The following ARID1B variants were observed in gnomAD, a reference collection of about 807,000 sequenced individuals.
ARID1B encodes AT-rich interaction domain 1B, also known as AT-rich interactive domain-containing protein 1B.
In ARID1B, 30 loss-of-function variants were observed where a neutral mutation model predicts 212.3. The ratio of observed to expected loss-of-function variants is 0.14; its 90% confidence interval spans 0.11 to 0.19. ARID1B has a LOEUF of 0.19. Among genes scored for constraint, ARID1B ranks in the 10% least tolerant of loss-of-function variants. ARID1B has a pLI of 1.00. For synonymous variants in ARID1B, 1,402 were observed against 1,301.7 expected (o/e 1.08, Z -1.66); for missense variants, 2,891 against 3,204.0 (o/e 0.90, Z 2.36).
At chr6:157,083,477 G>A (rs1784762193) in intron 4 of ARID1B, among the ~76,000 whole-genome samples, 1 of 152,206 alleles carries the variant, frequency 6.6e-6, no homozygotes, top group Non-Finnish European at 1.5e-5. Flanking sequence ...GCAGGCTGAA[G>A]TAAAGGCTTT....
intron 4 of ARID1B, among the ~76,000 whole-genome samples, chr6:156,944,639 T>C (rs1792926692): frequency 6.6e-6 from 1 of 152,122 alleles, no homozygotes; most frequent in African/African-American, 2.4e-5. Flanking sequence ...ACCAAGTTGA[T>C]CATGTGGCAG....
At chr6:157,036,745 A>C (rs1781356822) in intron 4 of ARID1B, 2 of 474,656 alleles carry the variant, frequency 4.2e-6, no homozygotes, top group Admixed American at 4.7e-5. Flanking sequence ...AGAACTCTCA[A>C]TTCTAGGCCA....
rs542475184 is a variant in ARID1B, at chr6:156,876,303, C to A, written c.1987-25073C>A. ...TTCTCAGTGAACTGTGGGCCTCTTT[C>A]CTCAGCCTCACCCATCCGGCCCTGT... On this transcript the variant is annotated intron_variant, in intron 2 of 19. Transcript: ENST00000636930. Among the ~76,000 whole-genome samples the A allele has an allele frequency of 1.2e-4, 19 of 152,312 alleles. No homozygotes were observed. The South Asian group carries it at 3.9e-3, about 32-fold the overall frequency.
At chr6:157,141,801 G>A (rs1789374761) in intron 7 of ARID1B, among the ~76,000 whole-genome samples, 1 of 152,104 alleles carries the variant, frequency 6.6e-6, no homozygotes. Flanking sequence ...TCAAGTGCTG[G>A]CAGTTAGAAC....
intron 4 of ARID1B, among the ~76,000 whole-genome samples, chr6:157,031,423 A>G (rs1781010517): frequency 6.6e-6 from 1 of 152,206 alleles, no homozygotes; most frequent in South Asian, 2.1e-4. Context: ...AAGAGCATCT[A>G]AATTCTTGGT....
chr6:156,950,473 G>C (rs929438187), intron 4 of ARID1B, among the ~76,000 whole-genome samples: 9 of 152,232 alleles, frequency 5.9e-5, no homozygotes, highest in Non-Finnish European at 1.3e-4. Context: ...ATATGGGGAT[G>C]TAAGAGAAAG....
chr6:157,099,847 G>C (rs1450670394), intron 5 of ARID1B, among the ~76,000 whole-genome samples: 3 of 152,128 alleles, frequency 2.0e-5, no homozygotes, highest in Admixed American at 6.5e-5. Flanking sequence ...TGAACGGTGC[G>C]TGGGAGCTGT....
At chr6:157,189,383 T>A (rs182496981) in intron 13 of ARID1B, among the ~76,000 whole-genome samples, 79 of 152,352 alleles carry the variant, frequency 5.2e-4, no homozygotes, top group African/African-American at 1.8e-3. Flanking sequence ...TCAAAAGATA[T>A]AAATGTGTTT....
chr6:157,180,965 C>T lies in ARID1B; in HGVS notation c.3505-4C>T, dbSNP rs754016114. 6.2e-7 allele frequency: 1 copy of T among 1,611,890 alleles called. No homozygotes were observed. Among genetic ancestry groups the T allele is most frequent in the Admixed American group, 1.7e-5 (1 of 59,944 alleles). On this transcript the variant is annotated splice_polypyrimidine_tract_variant and splice_region_variant and intron_variant, in intron 11 of 19. Transcript: ENST00000636930. ...CACCTCCACATGCTGCTTCTGGGTA[C>T]TAGAAGTCCAGCTCCTCCACCACTA...
chr6:157,039,616 ACCTTCCTTCCTTCCTT>A (rs1368853614), intron 4 of ARID1B, among the ~76,000 whole-genome samples: 1 of 123,212 alleles, frequency 8.1e-6, no homozygotes, highest in Non-Finnish European at 1.7e-5. Flanking sequence ...AAAGCTACCT[ACCTTCCTTCCTTCCTT>A]CCTTCCTTCC....
intron 4 of ARID1B, among the ~76,000 whole-genome samples, chr6:156,961,664 T>G (rs1562512953): frequency 6.6e-6 from 1 of 152,150 alleles, no homozygotes; most frequent in Non-Finnish European, 1.5e-5. Flanking sequence ...GGTCGCTGTG[T>G]GAGCTGCGCT....
chr6:157,015,108 CT>C (rs1471534857), intron 4 of ARID1B, among the ~76,000 whole-genome samples: 2 of 152,050 alleles, frequency 1.3e-5, no homozygotes, highest in Non-Finnish European at 2.9e-5. Flanking sequence ...GTCGTAGCTA[CT>C]GAGAAAATAT....
chr6:157,106,503 C>T (rs1291951151), intron 5 of ARID1B, among the ~76,000 whole-genome samples: 1 of 152,184 alleles, frequency 6.6e-6, no homozygotes, highest in Non-Finnish European at 1.5e-5. Context: ...AGTCTCAGTT[C>T]ACATCAGAGA....
intron 15 of ARID1B, 163 bp from the exon 16 acceptor site, chr6:157,196,002 A>T: frequency 3.9e-6 from 3 of 770,728 alleles, no homozygotes; most frequent in Non-Finnish European, 5.9e-6. Flanking sequence ...CAGAGGTTGC[A>T]GTGAGCCAAG....
At chr6:157,043,474 G>A (rs148581627) in intron 4 of ARID1B, among the ~76,000 whole-genome samples, 237 of 152,188 alleles carry the variant, frequency 1.6e-3, no homozygotes, top group Non-Finnish European at 2.7e-3. Context: ...AGCGTGATAT[G>A]GCCTAGCCCA....
intron 4 of ARID1B, among the ~76,000 whole-genome samples, chr6:157,007,353 C>T (rs1365543359): frequency 2.0e-5 from 3 of 152,028 alleles, no homozygotes; most frequent in East Asian, 1.9e-4. Flanking sequence ...AGAAAGAATC[C>T]CAAAATGTTA....
Position 156,777,818 on chromosome 6 carries a change from CGCGGCG to C in ARID1B, c.153_158del (p.Ala52_Ala53del), listed in dbSNP as rs1046394316. The C allele has an allele frequency of 7.6e-5, 77 of 1,011,716 alleles. No homozygotes were observed. Among genetic ancestry groups the C allele is most frequent in the African/African-American group, 8.9e-5 (5 of 56,390 alleles). 62.7% of individuals were successfully genotyped at this position (1,011,716 alleles called of 1,614,324 possible). On this transcript the variant is annotated inframe_deletion, in exon 1 of 20. Coordinates refer to ENST00000636930, the MANE Select transcript of ARID1B (RefSeq NM_001374828.1). Reference sequence around the variant, plus strand: ...GGGACCTGGAGGCGGGGGCGCGCGGCGCGGCGGCGGCGGCGGCGGCACCGGGACCCA... The same window carrying C: ...GGGACCTGGAGGCGGGGGCGCGCGGCGCGGCGGCGGCGGCACCGGGACCCA...
At chr6:156,946,287 GC>G (rs1294584637) in intron 4 of ARID1B, among the ~76,000 whole-genome samples, 1 of 151,952 alleles carries the variant, frequency 6.6e-6, no homozygotes, top group Non-Finnish European at 1.5e-5. Context: ...CAAGAGAATT[GC>G]TTGAACCTGG....
At chr6:156,875,509 GA>G (rs1242221170) in intron 2 of ARID1B, among the ~76,000 whole-genome samples, 1 of 152,202 alleles carries the variant, frequency 6.6e-6, no homozygotes, top group African/African-American at 2.4e-5. Context: ...TTCGATTCTG[GA>G]TTAATGTTTT....
Sources: allele counts gnomAD v4.1 joint callset (sites outside exome capture counted in the v4.1 genomes callset), GRCh38; gene constraint gnomAD v4.1.1; transcripts MANE v1.5; gene names NCBI Gene and HGNC (gene_info 2026-07-23, HGNC 2026-07-21).